The following TJP1 variants were observed in gnomAD, a reference collection of about 807,000 sequenced individuals.
The protein encoded by TJP1 is tight junction protein ZO-1.
Under a neutral mutation model 194.2 loss-of-function variants are expected in TJP1, and 43 were observed. That is an observed-to-expected ratio of 0.22 (90% confidence interval 0.17 to 0.29). The LOEUF is 0.29. Among genes scored for constraint, TJP1 ranks in the 10% least tolerant of loss-of-function variants. TJP1 has a pLI of 1.00. For missense variants in TJP1, 1,971 were observed against 2,185.7 expected (o/e 0.90, Z 1.96); for synonymous variants, 801 against 779.0 (o/e 1.03, Z -0.47).
chr15:29,968,020 T>C (rs932372233), intron 1 of TJP1: 1 of 962,852 alleles, frequency 1.0e-6, no homozygotes, highest in African/African-American at 1.8e-5. Context: ...TAAAATGCAA[T>C]ATACAATCCT....
intron 2 of TJP1, among the ~76,000 whole-genome samples, chr15:29,896,539 T>A (rs1460257830): frequency 6.6e-6 from 1 of 152,014 alleles, no homozygotes; most frequent in Admixed American, 6.6e-5. Flanking sequence ...TACCCGAAAA[T>A]GTGGAAGCAA....
At chr15:29,864,558 T>C (rs785440) in intron 2 of TJP1, among the ~76,000 whole-genome samples, 21,214 of 152,042 alleles carry the variant, frequency 0.14, 1,918 homozygotes, top group African/African-American at 0.23. Flanking sequence ...TCTTTTCAGC[T>C]TCAGTTACCT....
chr15:29,822,973 C>G (rs1408560011), upstream of TJP1: 1 of 152,224 alleles, frequency 6.6e-6, no homozygotes, highest in African/African-American at 2.4e-5. Flanking sequence ...CCGAGGAGCT[C>G]CGGCAGGGTC....
intron 4 of TJP1, among the ~76,000 whole-genome samples, chr15:29,767,226 C>T (rs1314700880): frequency 6.6e-6 from 1 of 152,120 alleles, no homozygotes; most frequent in Admixed American, 6.6e-5. Flanking sequence ...TCTCTGCAAG[C>T]TGACGATCTA....
chr15:29,751,927 T>G (rs1212189733), intron 8 of TJP1, among the ~76,000 whole-genome samples: 1 of 152,120 alleles, frequency 6.6e-6, no homozygotes, highest in African/African-American at 2.4e-5. Context: ...TTTTTATTTT[T>G]GTACTACTTA....
At chr15:29,754,482 C>T (rs2045515403) in intron 8 of TJP1, among the ~76,000 whole-genome samples, 1 of 152,010 alleles carries the variant, frequency 6.6e-6, no homozygotes. Flanking sequence ...ACCTACGTAA[C>T]AAACCTGCAT....
intron 1 of TJP1, among the ~76,000 whole-genome samples, chr15:29,808,529 G>A (rs2049267139): frequency 6.6e-6 from 1 of 152,184 alleles, no homozygotes; most frequent in Non-Finnish European, 1.5e-5. Context: ...AGAACTGTAA[G>A]TAATTTGACT....
At chr15:29,762,776 T>G (rs1433100897) in intron 5 of TJP1, among the ~76,000 whole-genome samples, 5 of 152,160 alleles carry the variant, frequency 3.3e-5, no homozygotes, top group Non-Finnish European at 7.3e-5. Context: ...GAATACAATT[T>G]TCTTTAAGAG....
intron 2 of TJP1, among the ~76,000 whole-genome samples, chr15:29,931,658 G>A (rs2054718065): frequency 6.6e-6 from 1 of 152,182 alleles, no homozygotes; most frequent in Non-Finnish European, 1.5e-5. Context: ...ACCGCCTAAG[G>A]TGGGAAAGTA....
At position 29,722,982 on chromosome 15, in the gene TJP1, T is replaced by A. The variant is rs74702869; in HGVS notation, c.2413-2274A>T. 2.7e-3 allele frequency among the ~76,000 whole-genome samples: 408 copies of A among 152,214 alleles called. 3 individuals carry two copies. The highest frequency in any genetic ancestry group is 9.4e-3 in the African/African-American group (391 of 41,526). On this transcript the variant is annotated intron_variant, in intron 18 of 27. Coordinates refer to ENST00000614355, the MANE Select transcript of TJP1 (RefSeq NM_001330239.4). The stretch of plus-strand genomic sequence containing the variant: ...AGACTTCTCCATTTTGAAAAGGGAG[T>A]ATTTACCCAATGTTTATGTCCCCTT...
chr15:29,799,001 A>G (rs1404120989), intron 2 of TJP1, among the ~76,000 whole-genome samples: 1 of 152,200 alleles, frequency 6.6e-6, no homozygotes, highest in Admixed American at 6.5e-5. Flanking sequence ...ACGTGAGGGG[A>G]CCGGGATGAT....
intron 8 of TJP1, among the ~76,000 whole-genome samples, chr15:29,744,395 A>G (rs1211177855): frequency 6.6e-6 from 1 of 152,246 alleles, no homozygotes; most frequent in African/African-American, 2.4e-5. Flanking sequence ...TGTACTCAAG[A>G]AAACATTTAT....
At position 29,820,556 on chromosome 15, in the gene TJP1, T is replaced by G. The variant is rs186877587; in HGVS notation, c.27+1446A>C. The G allele has an allele frequency of 2.9e-4, 208 of 716,892 alleles. No homozygotes were observed. The African/African-American group carries it at 3.1e-3, about 11-fold the overall frequency. 44.4% of individuals were successfully genotyped at this position (716,892 alleles called of 1,614,324 possible). On this transcript the variant is annotated intron_variant, in intron 1 of 27. Transcript: ENST00000614355. ...CTGTGGCAATCCATTGAAAACGTAT[T>G]TCTCTCCATACTTGAAATAACCTCT...
At chr15:29,887,305 T>C (rs982924007) in intron 2 of TJP1, among the ~76,000 whole-genome samples, 1 of 148,514 alleles carries the variant, frequency 6.7e-6, no homozygotes, top group African/African-American at 2.5e-5. Flanking sequence ...CATATATATG[T>C]ATATATATTT....
In TJP1 at chr15:29,718,124, TAAAA is replaced by T. The variant is rs563006679; in HGVS notation, c.3877-10_3877-7del. The T allele has an allele frequency of 1.8e-4, 254 of 1,425,614 alleles. No individual in the cohort carries two copies. Among genetic ancestry groups the T allele is most frequent in the South Asian group, 2.5e-4 (20 of 78,914 alleles). The allele number at this position is 1,425,614 out of a possible 1,614,324, so 88.3% of individuals were successfully genotyped here. ...TTAGATGCTACTTCTGGAGGCTGTTTAAAAAAAAAAAAAAAAAAAAGACAAATAT... is the reference window on the plus strand; with the variant it reads ...TTAGATGCTACTTCTGGAGGCTGTTTAAAAAAAAAAAAAAAAGACAAATAT... On this transcript the variant is annotated splice_polypyrimidine_tract_variant and splice_region_variant and intron_variant, in intron 21 of 27. Transcript: ENST00000614355.
At chr15:29,875,483 C>G (rs1250442732) in intron 2 of TJP1, among the ~76,000 whole-genome samples, 1 of 152,192 alleles carries the variant, frequency 6.6e-6, no homozygotes, top group Non-Finnish European at 1.5e-5. Flanking sequence ...TGTCTGAGGA[C>G]TAATTTCTCC....
Position 29,907,876 on chromosome 15 carries a change from A to G in TJP1, c.306+48356T>C, listed in dbSNP as rs139627075. On this transcript the variant is annotated intron_variant, in intron 2 of 28. Transcript: ENST00000356107. ...CGCCTAATTCCTTTGCTTGCATAAC[A>G]AAGTTCCTCAGAATTTTCAACCACA... Among the ~76,000 whole-genome samples, 4 of 151,928 alleles carry G rather than the reference A, an allele frequency of 2.6e-5. No homozygotes were observed. In the East Asian group the frequency reaches 7.8e-4, roughly 30 times the overall value.
At chr15:29,779,367 A>C (rs975574952) in intron 2 of TJP1, among the ~76,000 whole-genome samples, 2 of 152,018 alleles carry the variant, frequency 1.3e-5, no homozygotes, top group Admixed American at 6.6e-5. Context: ...CCTTACCCCC[A>C]ATCTTTCTCC....
At chr15:29,771,165 T>C (rs1427275212) in intron 4 of TJP1, among the ~76,000 whole-genome samples, 1 of 152,184 alleles carries the variant, frequency 6.6e-6, no homozygotes, top group African/African-American at 2.4e-5. Context: ...AGTAACATAA[T>C]ATATCTATTA....
Sources: allele counts gnomAD v4.1 joint callset (sites outside exome capture counted in the v4.1 genomes callset), GRCh38; gene constraint gnomAD v4.1.1; transcripts MANE v1.5; gene names NCBI Gene and HGNC (gene_info 2026-07-23, HGNC 2026-07-21).